SMCHD1: variants seen among roughly 807,000 people sequenced by gnomAD.
The protein encoded by SMCHD1 is structural maintenance of chromosomes flexible hinge domain-containing protein 1.
Under a neutral mutation model 254.7 loss-of-function variants are expected in SMCHD1, and 78 were observed. The observed-to-expected ratio is 0.31, with a 90% CI of 0.26 to 0.37. SMCHD1 has a LOEUF of 0.37. SMCHD1 is among the 10% of genes least tolerant of loss of function. SMCHD1 has a pLI of 1.00. For synonymous variants in SMCHD1, 766 were observed against 794.9 expected, an observed-to-expected ratio of 0.96 and a Z score of 0.61; for missense variants, 1,840 against 2,408.1, an observed-to-expected ratio of 0.76 and a Z score of 4.94.
rs2074250300 is a variant in SMCHD1 at position 2,694,707 on chromosome 18, T to C, written c.1040+14T>C. 6.2e-7 allele frequency: 1 copy of C among 1,606,162 alleles called. No homozygotes were observed. The highest frequency in any genetic ancestry group is 1.3e-5 in the African/African-American group (1 of 74,352). The stretch of plus-strand genomic sequence containing the variant: ...ACGACAGTTAGCGTAAGTAATTATA[T>C]TTGGCTTAGGAAATGTTGCTACTTA... On this transcript the variant is annotated intron_variant, in intron 8 of 47. Transcript: ENST00000320876.
At chr18:2,731,737 C>T (rs1438685718) in intron 24 of SMCHD1, among the ~76,000 whole-genome samples, 4 of 152,154 alleles carry the variant, frequency 2.6e-5, no homozygotes, top group East Asian at 1.9e-4. Context: ...AGGGACCGGG[C>T]GCAGTGGCTG....
Position 2,662,200 on chromosome 18 carries a change from TAAAGAAAGAAAGAAAGAAAG to T in SMCHD1, c.187-3949_187-3930del, listed in dbSNP as rs142598745. 8.9e-3 allele frequency among the ~76,000 whole-genome samples: 949 copies of T among 106,124 alleles called. 44 individuals are homozygous for T. Among genetic ancestry groups the T allele is most frequent in the Middle Eastern group, 0.026 (5 of 196 alleles). The allele number at this position is 106,124 out of a possible 152,430, so 69.6% of individuals were successfully genotyped here. A position where few individuals can be genotyped will look rare whatever the true frequency, so the allele number is the denominator to read the frequency against. ...AAAATAAAATAAATAAATAAATAAA[TAAAGAAAGAAAGAAAGAAAG>T]AAAGAAAAAATAATAGACTTATGTG... On this transcript the variant is annotated intron_variant, in intron 1 of 47. Transcript: ENST00000320876.
At position 2,802,708 on chromosome 18, in the gene SMCHD1, C is replaced by A; in HGVS notation, c.*156C>A. 1 of 539,006 alleles carries A rather than the reference C, an allele frequency of 1.9e-6. No homozygotes were observed. The highest frequency in any genetic ancestry group is 3.2e-6 in the Non-Finnish European group (1 of 313,544). The allele number at this position is 539,006 out of a possible 1,614,324, so 33.4% of individuals were successfully genotyped here. A position where few individuals can be genotyped will look rare whatever the true frequency, so the allele number is the denominator to read the frequency against. On this transcript the variant is annotated 3_prime_UTR_variant, in exon 48 of 48. Transcript: ENST00000320876. ...AATTTCCATTTCGATTCAGATGGGACTGGAAACAACCATTCAATTTTATGA... is the reference window on the plus strand; with the variant it reads ...AATTTCCATTTCGATTCAGATGGGAATGGAAACAACCATTCAATTTTATGA...
chr18:2,658,665 G>A (rs494797), intron 1 of SMCHD1, among the ~76,000 whole-genome samples: 26,789 of 152,008 alleles, frequency 0.18, 5,821 homozygotes, highest in African/African-American at 0.52. Context: ...TTATTAGATT[G>A]TGCCTCGGAT....
chr18:2,729,527 C>A, intron 24 of SMCHD1, 118 bp downstream of exon 24: 1 of 676,016 alleles, frequency 1.5e-6, no homozygotes, highest in Non-Finnish European at 2.3e-6. Context: ...ATTTGTGGTT[C>A]TTTCAGCCAA....
At chr18:2,719,964 C>T (rs750955105) in intron 19 of SMCHD1, among the ~76,000 whole-genome samples, 1 of 150,786 alleles carries the variant, frequency 6.6e-6, no homozygotes, top group Non-Finnish European at 1.5e-5. Context: ...TGTTAGCCAC[C>T]GCACGTGGCC....
intron 5 of SMCHD1, among the ~76,000 whole-genome samples, chr18:2,679,867 G>A (rs1351490499): frequency 6.6e-6 from 1 of 151,916 alleles, no homozygotes; most frequent in African/African-American, 2.4e-5. Flanking sequence ...GTGTTCTATA[G>A]TACAGGTCTG....
At chr18:2,791,840 G>A (rs1182959303) in intron 45 of SMCHD1, among the ~76,000 whole-genome samples, 1 of 152,196 alleles carries the variant, frequency 6.6e-6, no homozygotes, top group Non-Finnish European at 1.5e-5. Flanking sequence ...TAGAGAGTGA[G>A]CGAGCTCTAG....
intron 12 of SMCHD1, among the ~76,000 whole-genome samples, chr18:2,702,038 T>C (rs1439814065): frequency 6.6e-6 from 1 of 152,026 alleles, no homozygotes; most frequent in African/African-American, 2.4e-5. Flanking sequence ...TTAGAATTCA[T>C]TTATAATATG....
At chr18:2,681,412 C>CAAAAAAA (rs11448086) in intron 5 of SMCHD1, among the ~76,000 whole-genome samples, 36 of 103,956 alleles carry the variant, frequency 3.5e-4, no homozygotes, top group Admixed American at 4.8e-4. Context: ...GACCCCATCT[C>CAAAAAAA]AAAAAAAAAA....
intron 34 of SMCHD1, 59 bp downstream of exon 34, chr18:2,752,611 C>A: frequency 1.8e-6 from 2 of 1,140,632 alleles, no homozygotes; most frequent in Non-Finnish European, 2.6e-6. Context: ...TAATTCAACC[C>A]TGGAGATATA....
chr18:2,662,188 T>TA (rs143568724), intron 1 of SMCHD1, among the ~76,000 whole-genome samples: 102 of 76,042 alleles, frequency 1.3e-3, no homozygotes, highest in Non-Finnish European at 1.9e-3. Flanking sequence ...ATAAAATAAA[T>TA]AAATAAATAA....
At chr18:2,669,798 A>G (rs1010577198) in intron 3 of SMCHD1, among the ~76,000 whole-genome samples, 1 of 152,168 alleles carries the variant, frequency 6.6e-6, no homozygotes, top group African/African-American at 2.4e-5. Flanking sequence ...TGCTCACTGA[A>G]TTTTATACCA....
intron 47 of SMCHD1, among the ~76,000 whole-genome samples, chr18:2,799,036 A>G (rs1481526541): frequency 6.6e-6 from 1 of 152,214 alleles, no homozygotes; most frequent in African/African-American, 2.4e-5. Flanking sequence ...TATTGTTAGT[A>G]GTATAATGAT....
At chr18:2,794,511 A>C (rs2143854501) in intron 45 of SMCHD1, among the ~76,000 whole-genome samples, 1 of 152,282 alleles carries the variant, frequency 6.6e-6, no homozygotes, top group East Asian at 1.9e-4. Context: ...ATCTCAAAAA[A>C]CAAAAACAAA....
intron 3 of SMCHD1, among the ~76,000 whole-genome samples, chr18:2,667,389 A>G (rs1250153839): frequency 6.6e-6 from 1 of 152,208 alleles, no homozygotes; most frequent in African/African-American, 2.4e-5. Context: ...AAATACATAT[A>G]GCTAGGTTGC....
At chr18:2,792,130 T>C (rs533701788) in intron 45 of SMCHD1, among the ~76,000 whole-genome samples, 1 of 152,340 alleles carries the variant, frequency 6.6e-6, no homozygotes, top group Non-Finnish European at 1.5e-5. Context: ...GAAATATTTC[T>C]TTACAAATAA....
chr18:2,683,440 C>G (rs2073973599), intron 5 of SMCHD1, among the ~76,000 whole-genome samples: 1 of 152,132 alleles, frequency 6.6e-6, no homozygotes, highest in African/African-American at 2.4e-5. Flanking sequence ...TTCCTATTGT[C>G]TTTCTATTGA....
intron 34 of SMCHD1, among the ~76,000 whole-genome samples, chr18:2,758,110 G>A (rs59973868): frequency 1.2e-4 from 18 of 152,040 alleles, no homozygotes; most frequent in African/African-American, 3.9e-4. Flanking sequence ...TGGCATTATC[G>A]TTTTTTTCCT....
Sources: allele counts gnomAD v4.1 joint callset (sites outside exome capture counted in the v4.1 genomes callset), GRCh38; gene constraint gnomAD v4.1.1; transcripts MANE v1.5; gene names NCBI Gene and HGNC (gene_info 2026-07-23, HGNC 2026-07-21).